The following XKR3 variants were observed in gnomAD, a reference collection of about 807,000 sequenced individuals.
The protein encoded by XKR3 is XK-related protein 3.
A neutral mutation model predicts 40.3 loss-of-function variants in XKR3; 27 were observed. That is an observed-to-expected ratio of 0.67 (90% CI 0.49 to 0.92). XKR3 has a LOEUF of 0.92. Ranked by LOEUF, XKR3 falls within the 40% of genes least tolerant of loss-of-function variation. XKR3 has a pLI of 0.00. For synonymous variants in XKR3, 193 were observed against 195.4 expected, an observed-to-expected ratio of 0.99 and a Z score of 0.10; for missense variants, 472 against 537.6, an observed-to-expected ratio of 0.88 and a Z score of 1.21.
chr22:16,789,402 C>A (rs1396146026), intron 3 of XKR3, among the ~76,000 whole-genome samples: 2 of 151,700 alleles, frequency 1.3e-5, no homozygotes, highest in Non-Finnish European at 2.9e-5. Flanking sequence ...GAAAATAATC[C>A]CATTTACAAT....
intron 1 of XKR3, among the ~76,000 whole-genome samples, chr22:16,814,997 A>G (rs143568222): frequency 5.9e-5 from 9 of 152,076 alleles, no homozygotes; most frequent in African/African-American, 1.9e-4. Flanking sequence ...TAAAATGTCA[A>G]AGAGAAGTGG....
At chr22:16,794,708 C>T (rs1323926118) in intron 3 of XKR3, among the ~76,000 whole-genome samples, 1 of 152,164 alleles carries the variant, frequency 6.6e-6, no homozygotes, top group Non-Finnish European at 1.5e-5. Flanking sequence ...AATCACATAT[C>T]AATACTAACC....
chr22:16,813,650 A>C (rs897638085), intron 1 of XKR3, among the ~76,000 whole-genome samples: 2 of 152,216 alleles, frequency 1.3e-5, no homozygotes, highest in Non-Finnish European at 2.9e-5. Flanking sequence ...TATTGTGAAT[A>C]ATGCTACTAG....
intron 1 of XKR3, among the ~76,000 whole-genome samples, chr22:16,811,614 T>A (rs1330410666): frequency 6.6e-6 from 1 of 152,216 alleles, no homozygotes; most frequent in Non-Finnish European, 1.5e-5. Flanking sequence ...TGAACTAAAA[T>A]GTAAGTTATA....
At chr22:16,792,090 C>T (rs1320515565) in intron 3 of XKR3, among the ~76,000 whole-genome samples, 3 of 152,026 alleles carry the variant, frequency 2.0e-5, no homozygotes, top group Non-Finnish European at 4.4e-5. Context: ...TACAGGTACC[C>T]GCTACCATGT....
chr22:16,817,182 A>G (rs538449238), intron 1 of XKR3, among the ~76,000 whole-genome samples: 4 of 152,004 alleles, frequency 2.6e-5, no homozygotes, highest in Non-Finnish European at 5.9e-5. Context: ...TCTATTTAAA[A>G]AATTTATTTT....
chr22:16,821,874 C>T (rs1238582808), intron 1 of XKR3, among the ~76,000 whole-genome samples: 3 of 152,022 alleles, frequency 2.0e-5, no homozygotes, highest in Non-Finnish European at 2.9e-5. Context: ...TATGCTATAG[C>T]TGTTACATGG....
Position 16,799,807 on chromosome 22 carries a change from T to C in XKR3, c.553A>G (p.Ile185Val). The C allele has an allele frequency of 3.1e-6, 5 of 1,614,130 alleles. No homozygotes were observed. Among genetic ancestry groups the C allele is most frequent in the Non-Finnish European group, 3.4e-6 (4 of 1,180,006 alleles). The change falls in exon 3 of 4, where the codon ATC (isoleucine) becomes GTC (valine). Residue 185 changes from isoleucine to valine, a missense_variant. Transcript: ENST00000684488. ...SVPQLILQMY[I>V]SLTIREWPLN... is the part of the protein sequence containing the mutation. ...GGCCATTCTCGTATAGTGAGACTGATATACATCTGCAAAATTAATTGTGGA... is the reference window on the plus strand; with the variant it reads ...GGCCATTCTCGTATAGTGAGACTGACATACATCTGCAAAATTAATTGTGGA...
At chr22:16,794,764 C>T (rs2060133553) in intron 3 of XKR3, among the ~76,000 whole-genome samples, 1 of 152,162 alleles carries the variant, frequency 6.6e-6, no homozygotes, top group Non-Finnish European at 1.5e-5. Context: ...CAAACCCAAC[C>T]ATCTGTGGTC....
At position 16,793,661 on chromosome 22, in the gene XKR3, C is replaced by T. The variant is rs1480106262; in HGVS notation, c.589+6110G>A. Among the ~76,000 whole-genome samples, 5 of 152,138 alleles carry T rather than the reference C, an allele frequency of 3.3e-5. No individual in the cohort carries two copies. In the East Asian group the frequency reaches 9.7e-4, roughly 29 times the overall value. On this transcript the variant is annotated intron_variant, in intron 3 of 3. Coordinates refer to ENST00000684488, the MANE Select transcript of XKR3 (RefSeq NM_001386955.1). Reference sequence around the variant, plus strand: ...ACCTGGTGACCATCAAATAGGCTGTCAAAGAGGCAAAACTCCTTGCCTGGG... The same window carrying T: ...ACCTGGTGACCATCAAATAGGCTGTTAAAGAGGCAAAACTCCTTGCCTGGG...
chr22:16,824,198 TAAAG>T (rs2060266058), intron 1 of XKR3, among the ~76,000 whole-genome samples: 1 of 151,768 alleles, frequency 6.6e-6, no homozygotes, highest in African/African-American at 2.4e-5. Flanking sequence ...CTCTTGTAAA[TAAAG>T]AGAGAAGAGT....
intron 2 of XKR3, 141 bp from the exon 3 acceptor site, chr22:16,800,165 A>G (rs1191039773): frequency 1.0e-6 from 1 of 977,098 alleles, no homozygotes; most frequent in East Asian, 2.6e-5. Context: ...CACACTGGAT[A>G]AAAAATAAGT....
chr22:16,790,078 G>A (rs2060107645), intron 3 of XKR3, among the ~76,000 whole-genome samples: 1 of 152,150 alleles, frequency 6.6e-6, no homozygotes, highest in African/African-American at 2.4e-5. Context: ...GTGCAAGGCT[G>A]TAGCATGCCA....
intron 2 of XKR3, among the ~76,000 whole-genome samples, chr22:16,801,962 G>C (rs1241857458): frequency 6.6e-6 from 1 of 152,108 alleles, no homozygotes; most frequent in Non-Finnish European, 1.5e-5. Flanking sequence ...CCAAAAAGGA[G>C]ACATTGTTAA....
intron 3 of XKR3, among the ~76,000 whole-genome samples, chr22:16,785,469 C>T (rs1206487426): frequency 1.3e-5 from 2 of 152,004 alleles, no homozygotes; most frequent in African/African-American, 2.4e-5. Context: ...TGGAAGAAAA[C>T]CAAAATTATG....
chr22:16,823,402 A>G (rs996349541), intron 1 of XKR3, among the ~76,000 whole-genome samples: 10 of 152,184 alleles, frequency 6.6e-5, no homozygotes, highest in African/African-American at 2.4e-4. Context: ...GAAACACAGA[A>G]TTGACAGGAC....
chr22:16,800,279 A>T (rs2060163378), intron 2 of XKR3, among the ~76,000 whole-genome samples: 1 of 152,222 alleles, frequency 6.6e-6, no homozygotes, highest in Non-Finnish European at 1.5e-5. Flanking sequence ...CAAACAGCAG[A>T]TGAAAAGTAA....
intron 3 of XKR3, among the ~76,000 whole-genome samples, chr22:16,795,386 T>G (rs1457235253): frequency 1.3e-5 from 2 of 152,168 alleles, no homozygotes; most frequent in Non-Finnish European, 2.9e-5. Flanking sequence ...TCCCAAATCT[T>G]TGGGATGCAG....
intron 1 of XKR3, among the ~76,000 whole-genome samples, chr22:16,813,300 A>G (rs556975305): frequency 6.6e-6 from 1 of 152,088 alleles, no homozygotes; most frequent in South Asian, 2.1e-4. Flanking sequence ...AACAAAAAAC[A>G]AAAAACAAAC....
Sources: gnomAD v4.1 joint callset for allele counts (sites outside exome capture counted in the v4.1 genomes callset) on GRCh38, gnomAD v4.1.1 for gene constraint, MANE v1.5 for transcripts, NCBI Gene and HGNC (gene_info 2026-07-23, HGNC 2026-07-21) for gene names.